Variants in NCKAP5 observed in about 807,000 individuals in gnomAD.
NCKAP5 encodes NCK associated protein 5.
Under a neutral mutation model 167.0 loss-of-function variants are expected in NCKAP5, and 92 were observed. That is an observed-to-expected ratio of 0.55 (90% CI 0.47 to 0.66). NCKAP5 has a LOEUF of 0.66. Among genes scored for constraint, NCKAP5 ranks in the 30% least tolerant of loss-of-function variants. NCKAP5 has a pLI of 0.00. For synonymous variants in NCKAP5, 891 were observed against 877.4 expected, an observed-to-expected ratio of 1.02 and a Z score of -0.27; for missense variants, 2,378 against 2,315.0, an observed-to-expected ratio of 1.03 and a Z score of -0.56.
At chr2:133,133,162 A>G (rs1290528569) in intron 5 of NCKAP5, among the ~76,000 whole-genome samples, 1 of 152,190 alleles carries the variant, frequency 6.6e-6, no homozygotes, top group Non-Finnish European at 1.5e-5. Flanking sequence ...TGAGAGATGG[A>G]GAACAGTTGC....
At chr2:133,633,676 C>T in the NCKAP5 span, among the ~76,000 whole-genome samples, 2 of 152,146 alleles carry the variant, frequency 1.3e-5, no homozygotes, top group African/African-American at 2.4e-5. Flanking sequence ...TGGACAGTAT[C>T]GGCTTCATTT....
chr2:133,104,742 A>C (rs1387647297), intron 6 of NCKAP5, among the ~76,000 whole-genome samples: 1 of 152,142 alleles, frequency 6.6e-6, no homozygotes, highest in Non-Finnish European at 1.5e-5. Flanking sequence ...CTCAAAGATC[A>C]TTTCACTCAC....
At position 133,538,931 on chromosome 2, in the gene NCKAP5, G is replaced by GTTTT. The variant is rs71412735; in HGVS notation, c.-62+20115_-62+20118dup. ...TGGTTTTTTTTTGTGGTTTTTTTGG[G>GTTTT]TTTTTTTTTTTTTTTTTTTTTTTTT... On this transcript the variant is annotated intron_variant, in intron 2 of 19. Coordinates refer to ENST00000409261, the MANE Select transcript of NCKAP5 (RefSeq NM_207363.3). Among the ~76,000 whole-genome samples, 33 of 108,586 alleles carry GTTTT rather than the reference G, an allele frequency of 3.0e-4. 2 individuals are homozygous for GTTTT. Among genetic ancestry groups the GTTTT allele is most frequent in the Non-Finnish European group, 3.4e-4 (19 of 56,552 alleles). 71.2% of individuals were successfully genotyped at this position (108,586 alleles called of 152,430 possible).
At chr2:133,200,117 A>C (rs13029552) in intron 5 of NCKAP5, among the ~76,000 whole-genome samples, 11,131 of 136,880 alleles carry the variant, frequency 0.081, 586 homozygotes, top group South Asian at 0.17. Context: ...TTGATATGGA[A>C]ATGCAGATGC....
At chr2:133,067,953 C>T (rs1159914821) in intron 6 of NCKAP5, among the ~76,000 whole-genome samples, 3 of 152,112 alleles carry the variant, frequency 2.0e-5, no homozygotes, top group Non-Finnish European at 4.4e-5. Flanking sequence ...CTTTATTCCC[C>T]TCATGAATTA....
chr2:132,727,164 A>C (rs1690538282), intron 18 of NCKAP5, among the ~76,000 whole-genome samples: 1 of 152,168 alleles, frequency 6.6e-6, no homozygotes. Context: ...CCATTGGTGG[A>C]TGTATGTCTT....
chr2:133,015,345 A>T (rs948267116), intron 6 of NCKAP5, among the ~76,000 whole-genome samples: 1 of 100,282 alleles, frequency 1.0e-5, no homozygotes, highest in African/African-American at 3.7e-5. Flanking sequence ...TTGACCAGAT[A>T]AAAGAACCGA....
At chr2:133,597,847 C>T in the NCKAP5 span, among the ~76,000 whole-genome samples, 1 of 152,032 alleles carries the variant, frequency 6.6e-6, no homozygotes, top group East Asian at 1.9e-4. Context: ...GTGGTGAGAA[C>T]CCACCTCTCC....
chr2:133,436,145 A>G (rs900891659), intron 3 of NCKAP5, among the ~76,000 whole-genome samples: 7 of 152,176 alleles, frequency 4.6e-5, no homozygotes, highest in African/African-American at 7.2e-5. Context: ...AACTACAAGT[A>G]TCTTCTCCAA....
intron 6 of NCKAP5, among the ~76,000 whole-genome samples, chr2:133,036,407 G>T (rs986392365): frequency 2.0e-5 from 3 of 151,954 alleles, no homozygotes; most frequent in African/African-American, 7.2e-5. Context: ...GAATATTGAT[G>T]CAAAAATCCT....
chr2:133,149,197 C>A (rs779037072), intron 5 of NCKAP5, among the ~76,000 whole-genome samples: 2 of 152,170 alleles, frequency 1.3e-5, no homozygotes, highest in Non-Finnish European at 2.9e-5. Flanking sequence ...TACATAGAAG[C>A]TTCTAACATC....
chr2:133,668,412 T>C, the NCKAP5 span, among the ~76,000 whole-genome samples: 1 of 152,204 alleles, frequency 6.6e-6, no homozygotes, highest in African/African-American at 2.4e-5. Context: ...GCCAGCAATA[T>C]ATGAAGGTTC....
the NCKAP5 span, among the ~76,000 whole-genome samples, chr2:133,669,952 A>G: frequency 8.5e-5 from 13 of 152,370 alleles, no homozygotes; most frequent in Non-Finnish European, 1.6e-4. Flanking sequence ...CACAAAGTAG[A>G]TTAATGCAAT....
intron 3 of NCKAP5, among the ~76,000 whole-genome samples, chr2:133,377,328 T>C (rs1048646844): frequency 2.6e-5 from 4 of 152,336 alleles, no homozygotes; most frequent in African/African-American, 7.2e-5. Flanking sequence ...CAAATTATTA[T>C]GTGTATCAGT....
At chr2:133,199,919 A>G (rs2085600250) in intron 5 of NCKAP5, among the ~76,000 whole-genome samples, 1 of 151,930 alleles carries the variant, frequency 6.6e-6, no homozygotes. Context: ...TTTCAACAAC[A>G]TTATGCTGTG....
intron 3 of NCKAP5, among the ~76,000 whole-genome samples, chr2:133,499,354 GTCTT>G (rs1272255616): frequency 2.0e-5 from 3 of 152,124 alleles, no homozygotes; most frequent in African/African-American, 7.2e-5. Context: ...AAATACCCAA[GTCTT>G]TCTGTCTCAG....
At chr2:133,199,548 T>G (rs912415816) in intron 5 of NCKAP5, among the ~76,000 whole-genome samples, 2 of 152,020 alleles carry the variant, frequency 1.3e-5, no homozygotes, top group Admixed American at 6.6e-5. Context: ...TTACACTGGC[T>G]AAAAATAAAA....
At chr2:133,606,509 G>A in the NCKAP5 span, among the ~76,000 whole-genome samples, 10 of 152,102 alleles carry the variant, frequency 6.6e-5, no homozygotes, top group Non-Finnish European at 1.2e-4. Flanking sequence ...CCTCCTAAAA[G>A]GCCTGGGCCC....
At chr2:133,153,928 C>A (rs533677673) in intron 5 of NCKAP5, among the ~76,000 whole-genome samples, 10 of 151,168 alleles carry the variant, frequency 6.6e-5, no homozygotes, top group Non-Finnish European at 1.2e-4. Context: ...CTCCTCCCCC[C>A]AAGAAGGGTT....
Sources: allele counts gnomAD v4.1 joint callset (sites outside exome capture counted in the v4.1 genomes callset), GRCh38; gene constraint gnomAD v4.1.1; transcripts MANE v1.5; gene names NCBI Gene and HGNC (gene_info 2026-07-23, HGNC 2026-07-21).